ANKS1B: variants seen among roughly 807,000 people sequenced by gnomAD.
ANKS1B encodes ankyrin repeat and sterile alpha motif domain containing 1B, also known as ankyrin repeat and sterile alpha motif domain-containing protein 1B.
In ANKS1B, 36 loss-of-function variants were observed where a neutral mutation model predicts 148.3. That is an observed-to-expected ratio of 0.24 (90% confidence interval 0.19 to 0.32). ANKS1B has a LOEUF of 0.32. ANKS1B is among the 10% of genes least tolerant of loss of function. The pLI, the probability that ANKS1B is intolerant of heterozygous loss-of-function variation, is 1.00. For missense variants in ANKS1B, 1,157 were observed against 1,542.6 expected (o/e 0.75, Z 4.19); for synonymous variants, 542 against 560.8 (o/e 0.97, Z 0.47).
At chr12:98,854,826 C>T (rs925728060) in intron 17 of ANKS1B, among the ~76,000 whole-genome samples, 1 of 152,210 alleles carries the variant, frequency 6.6e-6, no homozygotes, top group African/African-American at 2.4e-5. Flanking sequence ...CAACATTTCA[C>T]TCATTTCCCA....
intron 9 of ANKS1B, among the ~76,000 whole-genome samples, chr12:99,562,923 C>T (rs534287375): frequency 1.3e-4 from 20 of 152,232 alleles, no homozygotes; most frequent in Non-Finnish European, 2.4e-4. Context: ...TCTGCAGCTT[C>T]TCCATCAATA....
intron 10 of ANKS1B, among the ~76,000 whole-genome samples, chr12:99,451,348 T>C (rs2095732753): frequency 6.6e-6 from 1 of 152,206 alleles, no homozygotes; most frequent in Non-Finnish European, 1.5e-5. Context: ...ACCCAGCATG[T>C]AACAAACAGT....
chr12:99,023,430 C>G (rs1454147897), intron 17 of ANKS1B, among the ~76,000 whole-genome samples: 1 of 152,052 alleles, frequency 6.6e-6, no homozygotes, highest in East Asian at 1.9e-4. Context: ...GAATTCTATT[C>G]TGAATTGTAT....
At chr12:99,269,900 T>C (rs2076861070) in intron 12 of ANKS1B, among the ~76,000 whole-genome samples, 1 of 152,200 alleles carries the variant, frequency 6.6e-6, no homozygotes. Flanking sequence ...ACATGAGTGA[T>C]ACCGGGGTAC....
chr12:98,970,739 A>T (rs958386191), intron 17 of ANKS1B, among the ~76,000 whole-genome samples: 18 of 152,160 alleles, frequency 1.2e-4, no homozygotes, highest in Admixed American at 9.2e-4. Context: ...AGAATGGACT[A>T]CCTTCTCCAT....
intron 8 of ANKS1B, among the ~76,000 whole-genome samples, chr12:99,677,308 C>T (rs1201456753): frequency 6.6e-6 from 1 of 152,160 alleles, no homozygotes; most frequent in Admixed American, 6.5e-5. Flanking sequence ...AAAAGCAGTA[C>T]CACTTGCCCC....
intron 12 of ANKS1B, among the ~76,000 whole-genome samples, chr12:99,298,451 C>T (rs966066520): frequency 7.9e-5 from 12 of 152,174 alleles, no homozygotes; most frequent in Admixed American, 6.5e-5. Flanking sequence ...TTCCCCTTTG[C>T]CTTCTGCCAT....
chr12:98,962,527 T>C (rs78400261), intron 17 of ANKS1B, among the ~76,000 whole-genome samples: 3,225 of 152,070 alleles, frequency 0.021, 119 homozygotes, highest in African/African-American at 0.073. Context: ...GTTTCAGCAT[T>C]GAACAAATGA....
chr12:99,091,431 G>T (rs2053950009), intron 15 of ANKS1B, among the ~76,000 whole-genome samples: 1 of 152,178 alleles, frequency 6.6e-6, no homozygotes, highest in Non-Finnish European at 1.5e-5. Context: ...ATGTGTTCAT[G>T]TAGGTTTTAG....
At chr12:98,939,916 C>T (rs1273034323) in intron 17 of ANKS1B, among the ~76,000 whole-genome samples, 4 of 152,178 alleles carry the variant, frequency 2.6e-5, no homozygotes, top group Non-Finnish European at 2.9e-5. Flanking sequence ...CACTGATGCC[C>T]CTAAATACCC....
chr12:99,348,553 G>A (rs1456646898), intron 12 of ANKS1B, among the ~76,000 whole-genome samples: 1 of 151,782 alleles, frequency 6.6e-6, no homozygotes, highest in Non-Finnish European at 1.5e-5. Context: ...AAAGAAGCAA[G>A]AGAGAAGTAA....
chr12:98,945,885 T>C (rs1466610671), intron 17 of ANKS1B, among the ~76,000 whole-genome samples: 1 of 152,314 alleles, frequency 6.6e-6, no homozygotes, highest in East Asian at 1.9e-4. Flanking sequence ...AATTTTCAGT[T>C]TTACAGCTTC....
intron 12 of ANKS1B, among the ~76,000 whole-genome samples, chr12:99,398,757 C>G (rs902649864): frequency 6.6e-6 from 1 of 152,108 alleles, no homozygotes; most frequent in Non-Finnish European, 1.5e-5. Context: ...ACTTACCAAT[C>G]AAAACTTTCC....
chr12:98,874,658 T>C (rs1266113477), intron 17 of ANKS1B, among the ~76,000 whole-genome samples: 2 of 152,212 alleles, frequency 1.3e-5, no homozygotes, highest in African/African-American at 4.8e-5. Flanking sequence ...ACAAAAAGAC[T>C]AGGAACCTGG....
intron 14 of ANKS1B, among the ~76,000 whole-genome samples, chr12:99,179,358 G>A (rs1340202835): frequency 2.1e-5 from 3 of 144,308 alleles, no homozygotes; most frequent in Non-Finnish European, 4.5e-5. Context: ...GAACCCAGGA[G>A]ATGGAGCTTG....
chr12:99,507,668 C>T (rs1050451399), intron 9 of ANKS1B, among the ~76,000 whole-genome samples: 1 of 151,762 alleles, frequency 6.6e-6, no homozygotes, highest in African/African-American at 2.4e-5. Flanking sequence ...AACCTGGCTT[C>T]CTTAGGGAAG....
intron 8 of ANKS1B, among the ~76,000 whole-genome samples, chr12:99,700,607 T>C (rs984966046): frequency 6.6e-6 from 1 of 152,166 alleles, no homozygotes; most frequent in Non-Finnish European, 1.5e-5. Context: ...TTTTCTTTAT[T>C]GAGAACTTTC....
chr12:99,382,455 C>G (rs1045003138), intron 12 of ANKS1B, among the ~76,000 whole-genome samples: 1 of 152,068 alleles, frequency 6.6e-6, no homozygotes. Flanking sequence ...GTAATCCCAG[C>G]ACTTTGGGAG....
chr12:98,946,822 C>A (rs923273124), intron 17 of ANKS1B, among the ~76,000 whole-genome samples: 9 of 151,474 alleles, frequency 5.9e-5, no homozygotes, highest in African/African-American at 1.2e-4. Context: ...CACCTGTAGT[C>A]CTAGCTACTC....
Sources: allele counts gnomAD v4.1 joint callset (sites outside exome capture counted in the v4.1 genomes callset), GRCh38; gene constraint gnomAD v4.1.1; transcripts MANE v1.5; gene names NCBI Gene and HGNC (gene_info 2026-07-23, HGNC 2026-07-21).